DOCK1: variants seen among roughly 807,000 people sequenced by gnomAD.
DOCK1 encodes dedicator of cytokinesis 1.
A neutral mutation model predicts 262.7 loss-of-function variants in DOCK1; 138 were observed. The observed-to-expected ratio is 0.53, with a 90% CI of 0.46 to 0.61. The LOEUF (loss-of-function observed/expected upper bound fraction) is 0.61. Among genes scored for constraint, DOCK1 ranks in the 20% least tolerant of loss-of-function variants. The probability of loss-of-function intolerance (pLI) is 0.00; values close to 1 mark genes in which losing one functional copy is unlikely to be tolerated. For missense variants in DOCK1, 1,908 were observed against 2,370.7 expected (o/e 0.80, Z 4.05); for synonymous variants, 866 against 867.4 (o/e 1.00, Z 0.03).
intron 23 of DOCK1, among the ~76,000 whole-genome samples, chr10:127,093,242 C>CTTTTCTTTCTTTCTTTCTT (rs2047679021): frequency 1.3e-5 from 1 of 79,342 alleles, no homozygotes; most frequent in African/African-American, 6.7e-5. Flanking sequence ...TTTCTTTCTT[C>CTTTTCTTTCTTTCTTTCTT]TTTTTTTTTT....
At chr10:126,920,367 C>T (rs548330262) in intron 1 of DOCK1, among the ~76,000 whole-genome samples, 5 of 152,286 alleles carry the variant, frequency 3.3e-5, no homozygotes, top group Admixed American at 6.5e-5. Context: ...GATTAGCTGG[C>T]GGGAGAATAG....
chr10:127,150,175 T>A (rs956373318), intron 27 of DOCK1, among the ~76,000 whole-genome samples: 1 of 152,218 alleles, frequency 6.6e-6, no homozygotes, highest in African/African-American at 2.4e-5. Context: ...ACACTGCTAC[T>A]GAGTCACCTG....
At chr10:127,095,277 A>G (rs1428328461) in intron 23 of DOCK1, among the ~76,000 whole-genome samples, 1 of 152,124 alleles carries the variant, frequency 6.6e-6, no homozygotes, top group East Asian at 1.9e-4. Flanking sequence ...GCAAGGCATC[A>G]CTGTAGCCCT....
intron 7 of DOCK1, among the ~76,000 whole-genome samples, chr10:126,997,290 C>T (rs547440978): frequency 1.3e-5 from 2 of 152,158 alleles, no homozygotes; most frequent in South Asian, 2.1e-4. Context: ...TATGCATTAG[C>T]CTGTTCTCGC....
intron 29 of DOCK1, among the ~76,000 whole-genome samples, chr10:127,304,243 A>G (rs886175685): frequency 1.6e-4 from 25 of 152,296 alleles, no homozygotes; most frequent in Non-Finnish European, 2.9e-5. Flanking sequence ...ATCATTGACA[A>G]GTGAGCCCAA....
At chr10:127,011,115 C>T (rs74855642) in intron 11 of DOCK1, among the ~76,000 whole-genome samples, 3,154 of 152,128 alleles carry the variant, frequency 0.021, 106 homozygotes, top group African/African-American at 0.073. Context: ...ATATGTTATT[C>T]CATGTGTAAC....
At chr10:127,187,670 C>T (rs778909065) in intron 27 of DOCK1, among the ~76,000 whole-genome samples, 1 of 151,542 alleles carries the variant, frequency 6.6e-6, no homozygotes, top group Non-Finnish European at 1.5e-5. Context: ...CTCGCTCCCT[C>T]GAAGGCCACA....
chr10:127,214,218 A>G (rs1244367150), intron 27 of DOCK1, among the ~76,000 whole-genome samples: 2 of 152,108 alleles, frequency 1.3e-5, no homozygotes, highest in East Asian at 3.9e-4. Context: ...ATGACAAATC[A>G]TTCAGTGGGC....
chr10:127,061,631 T>A, intron 22 of DOCK1, 37 bp from the exon 23 acceptor site: 1 of 1,547,452 alleles, frequency 6.5e-7, no homozygotes, highest in Non-Finnish European at 8.8e-7. Flanking sequence ...TTGAGGTGTT[T>A]CTGCCAGGCC....
rs1374975839 is a variant in DOCK1, at chr10:126,962,020, C to G, written c.47-8682C>G. ...TTTTGCTTTTTTTATTTTTTTGAGA[C>G]AGGGTCTCACTCTGTCACCCAGGCT... On this transcript the variant is annotated intron_variant, in intron 1 of 51. Coordinates refer to ENST00000623213, the MANE Select transcript of DOCK1 (RefSeq NM_001290223.2). 3.9e-5 allele frequency among the ~76,000 whole-genome samples: 6 copies of G among 152,080 alleles called. No homozygotes were observed. In the East Asian group the frequency reaches 1.2e-3, roughly 29 times the overall value.
intron 14 of DOCK1, 147 bp downstream of exon 14, chr10:127,023,471 TC>T: frequency 8.4e-7 from 1 of 1,184,568 alleles, no homozygotes; most frequent in Non-Finnish European, 1.2e-6. Context: ...TTTCCTTTTC[TC>T]CAGCTTGCCA....
intron 23 of DOCK1, among the ~76,000 whole-genome samples, chr10:127,097,559 T>C (rs1199905250): frequency 2.0e-5 from 3 of 152,128 alleles, no homozygotes; most frequent in African/African-American, 4.8e-5. Flanking sequence ...AGGTATGTGT[T>C]CTTGGTGTGT....
At chr10:127,245,215 C>T (rs888505012) in intron 27 of DOCK1, among the ~76,000 whole-genome samples, 3 of 152,152 alleles carry the variant, frequency 2.0e-5, no homozygotes, top group Non-Finnish European at 4.4e-5. Context: ...AGGGGCATTT[C>T]AGTGAATTTT....
chr10:126,969,932 G>A (rs2037972875), intron 1 of DOCK1, among the ~76,000 whole-genome samples: 1 of 152,058 alleles, frequency 6.6e-6, no homozygotes, highest in Non-Finnish European at 1.5e-5. Flanking sequence ...TTGAAGATGA[G>A]TTTTATATTG....
chr10:127,152,721 C>T (rs2052628360), intron 27 of DOCK1, among the ~76,000 whole-genome samples: 1 of 152,212 alleles, frequency 6.6e-6, no homozygotes, highest in Admixed American at 6.5e-5. Flanking sequence ...ACGTCTCCTT[C>T]CAGACTTTGC....
At chr10:127,256,686 G>T (rs1474520684) in intron 28 of DOCK1, among the ~76,000 whole-genome samples, 1 of 152,182 alleles carries the variant, frequency 6.6e-6, no homozygotes, top group Non-Finnish European at 1.5e-5. Flanking sequence ...TAGAGCAGCT[G>T]GGTGTGTACG....
chr10:127,000,948 G>T, intron 10 of DOCK1: 1 of 153,410 alleles, frequency 6.5e-6, no homozygotes, highest in Non-Finnish European at 1.5e-5. Flanking sequence ...CTGTTGCTCT[G>T]TTATTTTTGG....
chr10:126,992,467 C>T (rs1298369051), intron 6 of DOCK1, among the ~76,000 whole-genome samples: 4 of 152,178 alleles, frequency 2.6e-5, no homozygotes, highest in African/African-American at 7.2e-5. Context: ...CATATATCTT[C>T]CTAGTTCTTC....
rs2068285224 is a variant in DOCK1 at position 127,418,350 on chromosome 10, CCT to C, written c.4516-8_4516-7del. 1.9e-6 allele frequency: 3 copies of C among 1,601,522 alleles called. No individual in the cohort carries two copies. Among genetic ancestry groups the C allele is most frequent in the Non-Finnish European group, 2.6e-6 (3 of 1,173,414 alleles). On this transcript the variant is annotated splice_polypyrimidine_tract_variant and intron_variant, in intron 44 of 51. Transcript: ENST00000623213. ...AGCTGTGGGGCTGACATCGGGCTCT[CCT>C]CTCTCTTTGCAGGTGGAAATCAGCC... is the stretch of plus-strand genomic sequence containing the variant.
Sources: allele counts gnomAD v4.1 joint callset (sites outside exome capture counted in the v4.1 genomes callset), GRCh38; gene constraint gnomAD v4.1.1; transcripts MANE v1.5; gene names NCBI Gene and HGNC (gene_info 2026-07-23, HGNC 2026-07-21).